Variants in PTK2 observed in about 807,000 individuals in gnomAD.
The protein encoded by PTK2 is protein tyrosine kinase 2, also known as focal adhesion kinase 1.
A neutral mutation model predicts 150.1 loss-of-function variants in PTK2; 45 were observed. The ratio of observed to expected loss-of-function variants is 0.30; its 90% CI spans 0.24 to 0.38. The LOEUF is 0.38. PTK2 is among the 10% of genes least tolerant of loss of function. The pLI is 1.00. For synonymous variants in PTK2, 432 were observed against 449.2 expected (o/e 0.96, Z 0.48); for missense variants, 919 against 1,307.3 (o/e 0.70, Z 4.58).
intron 14 of PTK2, among the ~76,000 whole-genome samples, chr8:140,766,789 C>T (rs2100072541): frequency 6.6e-6 from 1 of 152,152 alleles, no homozygotes; most frequent in Non-Finnish European, 1.5e-5. Context: ...ATACACAAGC[C>T]CATTTGGGGA....
At chr8:140,659,737 T>C (rs1302425228) in intron 31 of PTK2, 59 bp from the exon 36 acceptor site, 5 of 1,462,616 alleles carry the variant, frequency 3.4e-6, no homozygotes, top group Non-Finnish European at 3.8e-6. Flanking sequence ...TTTTCTTTTT[T>C]AGAGAGATGT....
intron 7 of PTK2, among the ~76,000 whole-genome samples, chr8:140,838,589 T>G (rs907595899): frequency 1.2e-4 from 18 of 152,212 alleles, no homozygotes; most frequent in African/African-American, 3.9e-4. Context: ...CTCAGCACAT[T>G]GGGAGGCCAA....
At chr8:140,838,402 G>T (rs1296625464) in intron 7 of PTK2, among the ~76,000 whole-genome samples, 1 of 152,220 alleles carries the variant, frequency 6.6e-6, no homozygotes, top group Non-Finnish European at 1.5e-5. Flanking sequence ...GTGTGTGCAT[G>T]CGAGTCCCTG....
intron 10 of PTK2, among the ~76,000 whole-genome samples, chr8:140,815,664 G>C (rs1044235803): frequency 2.6e-5 from 4 of 151,784 alleles, no homozygotes; most frequent in African/African-American, 7.3e-5. Context: ...AAAAAGTCTA[G>C]ATTAATCTCA....
chr8:140,684,175 A>C (rs1430029080), intron 27 of PTK2, among the ~76,000 whole-genome samples: 4 of 152,222 alleles, frequency 2.6e-5, no homozygotes, highest in African/African-American at 9.6e-5. Context: ...TTTTGGCACC[A>C]GGGACAGGTT....
At chr8:140,722,145 T>A (rs4562374) in intron 22 of PTK2, among the ~76,000 whole-genome samples, 59,481 of 152,116 alleles carry the variant, frequency 0.39, 13,111 homozygotes, top group Non-Finnish European at 0.51. Flanking sequence ...AAATTTATTT[T>A]TATTTTTAAA....
intron 26 of PTK2, among the ~76,000 whole-genome samples, chr8:140,694,719 C>T (rs1251271090): frequency 6.6e-6 from 1 of 152,106 alleles, no homozygotes; most frequent in Non-Finnish European, 1.5e-5. Context: ...ATAGCAGATA[C>T]CATGGAAACC....
At chr8:140,846,817 T>A (rs186647912) in intron 5 of PTK2, 139 bp from the exon 6 acceptor site, 5 of 601,480 alleles carry the variant, frequency 8.3e-6, no homozygotes, top group African/African-American at 5.6e-5. Context: ...AAGATATAAA[T>A]AAATGTTTCC....
At chr8:140,813,672 T>C (rs2100102919) in intron 10 of PTK2, among the ~76,000 whole-genome samples, 1 of 152,186 alleles carries the variant, frequency 6.6e-6, no homozygotes. Context: ...TTTGTAGCAC[T>C]AAATGCCCAC....
chr8:140,811,369 C>A (rs917564962), intron 10 of PTK2, among the ~76,000 whole-genome samples: 2 of 152,146 alleles, frequency 1.3e-5, no homozygotes, highest in African/African-American at 4.8e-5. Flanking sequence ...ACAATCAAAC[C>A]CTCAAGGTCA....
intron 8 of PTK2, among the ~76,000 whole-genome samples, chr8:140,827,772 G>A (rs1172704891): frequency 6.6e-6 from 1 of 152,196 alleles, no homozygotes; most frequent in Non-Finnish European, 1.5e-5. Flanking sequence ...CAAACAAAGG[G>A]TGTAGAGTGG....
At chr8:140,949,297 G>A (rs559918552) in intron 1 of PTK2, among the ~76,000 whole-genome samples, 1 of 152,304 alleles carries the variant, frequency 6.6e-6, no homozygotes, top group African/African-American at 2.4e-5. Flanking sequence ...AGCAGTGGAA[G>A]CCAGTCTGGA....
chr8:140,874,916 G>A (rs1204840843), intron 4 of PTK2, among the ~76,000 whole-genome samples: 1 of 152,112 alleles, frequency 6.6e-6, no homozygotes, highest in Non-Finnish European at 1.5e-5. Context: ...TGCTTATTGG[G>A]TGCCTATTGT....
chr8:140,809,197 A>T (rs2100099976), intron 10 of PTK2, among the ~76,000 whole-genome samples: 1 of 152,242 alleles, frequency 6.6e-6, no homozygotes, highest in South Asian at 2.1e-4. Context: ...ACAATAAAAA[A>T]GACAAAAATA....
At chr8:140,987,436 C>T (rs998736575) in intron 1 of PTK2, among the ~76,000 whole-genome samples, 9 of 152,172 alleles carry the variant, frequency 5.9e-5, no homozygotes, top group African/African-American at 2.2e-4. Context: ...CTGCCTCGGC[C>T]TCCCAAAGTG....
chr8:140,879,557 T>C, exon 4 of PTK2: 2 of 1,613,530 alleles, frequency 1.2e-6, no homozygotes, highest in Non-Finnish European at 1.7e-6. Context: ...GAACCTCCTC[T>C]GACCGCAGGT....
At chr8:140,962,783 A>T (rs1419970678) in intron 1 of PTK2, among the ~76,000 whole-genome samples, 2 of 151,682 alleles carry the variant, frequency 1.3e-5, no homozygotes, top group African/African-American at 4.8e-5. Context: ...TCCCTCAAAA[A>T]AAAAAACCAC....
At chr8:140,681,366 A>G (rs967096267) in intron 27 of PTK2, among the ~76,000 whole-genome samples, 2 of 149,012 alleles carry the variant, frequency 1.3e-5, no homozygotes, top group African/African-American at 5.0e-5. Context: ...AAAAAAAAAA[A>G]GATCTCAAAT....
Position 140,847,797 on chromosome 8 carries a change from A to G in PTK2, c.451-1119T>C, listed in dbSNP as rs889654529. ...GACTTCTACCCTAAAAAAATTTTCA[A>G]ACATCCTGTTCTTCAATGACTGCCT... On this transcript the variant is annotated intron_variant, in intron 5 of 31. Coordinates refer to ENST00000522684, the Ensembl canonical transcript of PTK2. Among the ~76,000 whole-genome samples the G allele has an allele frequency of 5.3e-5, 8 of 152,278 alleles. No homozygotes were observed. In the East Asian group the frequency reaches 1.5e-3, roughly 29 times the overall value.
Sources: allele counts gnomAD v4.1 joint callset (sites outside exome capture counted in the v4.1 genomes callset), GRCh38; gene constraint gnomAD v4.1.1; transcripts MANE v1.5; gene names NCBI Gene and HGNC (gene_info 2026-07-23, HGNC 2026-07-21).